ROBO2: variants seen among roughly 807,000 people sequenced by gnomAD.
ROBO2 encodes roundabout guidance receptor 2, also known as roundabout homolog 2.
A neutral mutation model predicts 160.8 loss-of-function variants in ROBO2; 53 were observed. The observed-to-expected ratio is 0.33, with a 90% CI of 0.26 to 0.41. ROBO2 has a LOEUF of 0.41. Ranked by LOEUF, ROBO2 falls within the 10% of genes least tolerant of loss-of-function variation. The pLI is 1.00. For synonymous variants in ROBO2, 664 were observed against 611.7 expected, an observed-to-expected ratio of 1.09 and a Z score of -1.26; for missense variants, 1,577 against 1,722.4, an observed-to-expected ratio of 0.92 and a Z score of 1.49.
At chr3:77,427,264 A>G (rs2153538090) in intron 2 of ROBO2, among the ~76,000 whole-genome samples, 1 of 152,322 alleles carries the variant, frequency 6.6e-6, no homozygotes, top group Admixed American at 6.5e-5. Flanking sequence ...CTTGCTACTG[A>G]AAACACAGGG....
chr3:77,645,004 G>T, intron 25 of ROBO2, 100 bp downstream of exon 27: 1 of 1,242,720 alleles, frequency 8.0e-7, no homozygotes, highest in Non-Finnish European at 1.2e-6. Context: ...TAGAAAACTT[G>T]CTCTGTTACA....
At chr3:77,249,482 A>G (rs1302156039) in intron 2 of ROBO2, among the ~76,000 whole-genome samples, 2 of 152,228 alleles carry the variant, frequency 1.3e-5, no homozygotes, top group Non-Finnish European at 2.9e-5. Context: ...GACTTAACAT[A>G]GCATCTCACG....
intron 2 of ROBO2, among the ~76,000 whole-genome samples, chr3:76,231,908 C>G (rs1704642515): frequency 6.6e-6 from 1 of 152,154 alleles, no homozygotes; most frequent in African/African-American, 2.4e-5. Context: ...TTTATTGACT[C>G]AATAAAAATA....
chr3:75,910,577 A>G (rs113726488), intron 1 of ROBO2, among the ~76,000 whole-genome samples: 22 of 152,304 alleles, frequency 1.4e-4, no homozygotes, highest in East Asian at 5.8e-4. Flanking sequence ...TTGTAGTGAC[A>G]TTGATGGCAT....
chr3:76,081,675 G>A (rs1480781102), intron 2 of ROBO2, among the ~76,000 whole-genome samples: 1 of 152,052 alleles, frequency 6.6e-6, no homozygotes, highest in Non-Finnish European at 1.5e-5. Context: ...TGGATAAGGA[G>A]CTTAAGATCC....
chr3:77,035,076 A>G (rs2149576419), upstream of ROBO2, among the ~76,000 whole-genome samples: 1 of 152,070 alleles, frequency 6.6e-6, no homozygotes, highest in East Asian at 1.9e-4. Context: ...ACTTTCAAAT[A>G]ATAAGTGGAT....
intron 2 of ROBO2, among the ~76,000 whole-genome samples, chr3:76,599,016 T>C (rs1459837529): frequency 6.6e-6 from 1 of 152,146 alleles, no homozygotes; most frequent in African/African-American, 2.4e-5. Flanking sequence ...CATCTTTAAT[T>C]ACGTTCTACA....
chr3:77,445,270 T>A (rs1177349908), intron 2 of ROBO2, among the ~76,000 whole-genome samples: 4 of 152,130 alleles, frequency 2.6e-5, no homozygotes, highest in African/African-American at 9.7e-5. Flanking sequence ...AGGAAAAATA[T>A]GAAATTAAAA....
At chr3:76,265,129 T>C (rs1707017089) in intron 2 of ROBO2, among the ~76,000 whole-genome samples, 1 of 152,292 alleles carries the variant, frequency 6.6e-6, no homozygotes, top group East Asian at 1.9e-4. Context: ...CCACGCAGGC[T>C]GAAGCCTGGA....
intron 2 of ROBO2, among the ~76,000 whole-genome samples, chr3:77,378,843 A>C (rs1400306208): frequency 6.6e-6 from 1 of 152,068 alleles, no homozygotes; most frequent in Non-Finnish European, 1.5e-5. Context: ...AGATCCATTC[A>C]ATTCGTGTTT....
chr3:77,416,799 A>C (rs918929437), intron 2 of ROBO2, among the ~76,000 whole-genome samples: 1 of 151,362 alleles, frequency 6.6e-6, no homozygotes, highest in Non-Finnish European at 1.5e-5. Context: ...GAAAGGAGGG[A>C]GTACATCTCA....
At chr3:76,600,528 T>C (rs4401369) in intron 2 of ROBO2, among the ~76,000 whole-genome samples, 143,732 of 152,140 alleles carry the variant, frequency 0.94, 68,408 homozygotes, top group Non-Finnish European at 1. Flanking sequence ...GCCTATCTTG[T>C]GTCACAGCAG....
intron 2 of ROBO2, among the ~76,000 whole-genome samples, chr3:76,370,912 A>C (rs1376580096): frequency 6.6e-6 from 1 of 151,838 alleles, no homozygotes; most frequent in Non-Finnish European, 1.5e-5. Context: ...TTCCTTCCCA[A>C]GTCTTCTTTC....
chr3:77,056,811 T>C (rs1194511546), intron 1 of ROBO2, among the ~76,000 whole-genome samples: 1 of 152,150 alleles, frequency 6.6e-6, no homozygotes, highest in Non-Finnish European at 1.5e-5. Context: ...AATCAAGGAA[T>C]TGACATGTAA....
intron 2 of ROBO2, among the ~76,000 whole-genome samples, chr3:77,427,743 C>T (rs1300300822): frequency 6.6e-6 from 1 of 152,188 alleles, no homozygotes; most frequent in African/African-American, 2.4e-5. Flanking sequence ...ACTCATCTCA[C>T]CTGAATCATT....
intron 2 of ROBO2, among the ~76,000 whole-genome samples, chr3:76,812,301 A>C (rs2065256523): frequency 6.6e-6 from 1 of 151,460 alleles, no homozygotes; most frequent in Non-Finnish European, 1.5e-5. Flanking sequence ...ACCACAGGCT[A>C]AAAATTTTAA....
At chr3:77,558,195 T>C in intron 9 of ROBO2, 46 bp downstream of exon 10, 1 of 1,497,822 alleles carries the variant, frequency 6.7e-7, no homozygotes, top group East Asian at 2.3e-5. Flanking sequence ...TACACATAAG[T>C]ACTGCTCTAT....
chr3:76,442,809 G>A (rs868859594), intron 2 of ROBO2, among the ~76,000 whole-genome samples: 1 of 151,898 alleles, frequency 6.6e-6, no homozygotes, highest in East Asian at 1.9e-4. Context: ...CAGTGTTTGC[G>A]TTCAAGTAAC....
At chr3:76,709,065 G>A (rs1049898556) in intron 2 of ROBO2, among the ~76,000 whole-genome samples, 1 of 152,082 alleles carries the variant, frequency 6.6e-6, no homozygotes, top group Non-Finnish European at 1.5e-5. Flanking sequence ...GAAGATAATG[G>A]ATTTATTTTT....
Sources: allele counts gnomAD v4.1 joint callset (sites outside exome capture counted in the v4.1 genomes callset), GRCh38; gene constraint gnomAD v4.1.1; transcripts MANE v1.5; gene names NCBI Gene and HGNC (gene_info 2026-07-23, HGNC 2026-07-21).